The following RASGRF2 variants were observed in gnomAD, a reference collection of about 807,000 sequenced individuals.
RASGRF2 encodes ras-specific guanine nucleotide-releasing factor 2.
A neutral mutation model predicts 151.0 loss-of-function variants in RASGRF2; 76 were observed. The observed-to-expected ratio is 0.50, with a 90% CI of 0.42 to 0.61. The LOEUF (loss-of-function observed/expected upper bound fraction) is 0.61, where lower values mean the gene tolerates loss of function less well. Among genes scored for constraint, RASGRF2 ranks in the 20% least tolerant of loss-of-function variants. RASGRF2 has a pLI of 0.00. For missense variants in RASGRF2, 1,148 were observed against 1,564.6 expected, an observed-to-expected ratio of 0.73 and a Z score of 4.49; for synonymous variants, 504 against 566.5, an observed-to-expected ratio of 0.89 and a Z score of 1.57.
intron 1 of RASGRF2, among the ~76,000 whole-genome samples, chr5:80,982,453 A>G (rs1355672683): frequency 6.6e-6 from 1 of 152,000 alleles, no homozygotes; most frequent in Non-Finnish European, 1.5e-5. Context: ...GGAAGAAGGA[A>G]GAACTAGGCT....
At chr5:81,052,715 AG>A (rs1022959845) in intron 2 of RASGRF2, among the ~76,000 whole-genome samples, 22 of 152,318 alleles carry the variant, frequency 1.4e-4, no homozygotes, top group Admixed American at 1.4e-3. Flanking sequence ...GTAATGCTGA[AG>A]GGGTGTGAGT....
At chr5:81,078,699 T>C (rs1486566374) in intron 5 of RASGRF2, among the ~76,000 whole-genome samples, 1 of 152,232 alleles carries the variant, frequency 6.6e-6, no homozygotes, top group Non-Finnish European at 1.5e-5. Flanking sequence ...TCTTCCTATT[T>C]ATATACAGAA....
intron 15 of RASGRF2, among the ~76,000 whole-genome samples, chr5:81,114,442 G>A (rs758696304): frequency 1.3e-5 from 2 of 152,230 alleles, no homozygotes; most frequent in Non-Finnish European, 2.9e-5. Flanking sequence ...TTATAGCAGA[G>A]GTATAGGAGA....
rs942127563 is a variant in RASGRF2, at chr5:81,112,792, C to T, written c.2021C>T (p.Thr674Ile). 6.2e-7 allele frequency: 1 copy of T among 1,614,114 alleles called. No individual in the cohort carries two copies. Among genetic ancestry groups the T allele is most frequent in the African/African-American group, 1.3e-5 (1 of 74,950 alleles). Residue 674 changes from threonine to isoleucine, a missense_variant, in exon 14 of 27, where the codon ACT becomes ATT. By Grantham distance (89) the Thr-to-Ile change is moderately conservative (BLOSUM62 -1). Coordinates refer to ENST00000265080, the MANE Select transcript of RASGRF2 (RefSeq NM_006909.3). ...CTGCACACCTATCGTATTTTCACTA[C>T]TGCCGCTGTGGTGCTGGGGAAACTC... Reference protein sequence around the residue: ...TFLHTYRIFTTAAVVLGKLSD... With the variant: ...TFLHTYRIFTIAAVVLGKLSD...
At chr5:81,160,852 C>A (rs1371926831) in intron 17 of RASGRF2, among the ~76,000 whole-genome samples, 1 of 151,956 alleles carries the variant, frequency 6.6e-6, no homozygotes, top group East Asian at 1.9e-4. Context: ...GCCTGGGTGA[C>A]AGAACAAGAC....
At chr5:81,048,034 T>A (rs943812720) in intron 2 of RASGRF2, among the ~76,000 whole-genome samples, 4 of 152,132 alleles carry the variant, frequency 2.6e-5, no homozygotes, top group African/African-American at 9.7e-5. Context: ...TATCATATCC[T>A]CCCCTTAAAA....
intron 13 of RASGRF2, among the ~76,000 whole-genome samples, chr5:81,110,645 C>CT (rs146274784): frequency 0.17 from 25,433 of 152,142 alleles, 3,438 homozygotes; most frequent in African/African-American, 0.38. Context: ...TAGACTATGA[C>CT]TTCTTTTAAT....
At chr5:81,156,355 A>T (rs1283550599) in intron 17 of RASGRF2, among the ~76,000 whole-genome samples, 1 of 152,220 alleles carries the variant, frequency 6.6e-6, no homozygotes, top group African/African-American at 2.4e-5. Context: ...GATTCATTTT[A>T]TGAGGACAGC....
chr5:81,109,418 G>A (rs1162962034), intron 13 of RASGRF2, among the ~76,000 whole-genome samples: 2 of 152,198 alleles, frequency 1.3e-5, no homozygotes, highest in African/African-American at 4.8e-5. Context: ...GCACTTCGGA[G>A]GCCGAGGCGG....
intron 9 of RASGRF2, chr5:81,088,437 T>TCC (rs1752300752): frequency 1.3e-5 from 2 of 152,270 alleles, no homozygotes; most frequent in Non-Finnish European, 2.9e-5. Context: ...TACCTCTCTC[T>TCC]CCTGGTTACT....
intron 2 of RASGRF2, among the ~76,000 whole-genome samples, chr5:81,056,557 C>G (rs1025863725): frequency 2.6e-5 from 4 of 152,092 alleles, no homozygotes; most frequent in Non-Finnish European, 4.4e-5. Context: ...ACTATGTGGT[C>G]AGTTTTGGAA....
rs756034277 is a variant in RASGRF2, at chr5:81,229,197, CTCT to C, written c.*3430_*3432del. 6.6e-6 allele frequency: 1 copy of C among 151,098 alleles called. No homozygotes were observed. Among genetic ancestry groups the C allele is most frequent in the Non-Finnish European group, 1.5e-5 (1 of 67,802 alleles). 9.4% of individuals were successfully genotyped at this position (151,098 alleles called of 1,614,324 possible). ...TGATTTTATCCCCTTGAAAAAAAAT[CTCT>C]TCACTTTAAAGTATAAAGGTTTTTA... On this transcript the variant is annotated 3_prime_UTR_variant, in exon 27 of 27. Coordinates refer to ENST00000265080, the MANE Select transcript of RASGRF2 (RefSeq NM_006909.3).
At chr5:81,088,902 T>C (rs1343584812) in intron 9 of RASGRF2, among the ~76,000 whole-genome samples, 1 of 152,212 alleles carries the variant, frequency 6.6e-6, no homozygotes, top group East Asian at 1.9e-4. Context: ...ATGTTATTAA[T>C]TCCTTGTTAT....
At chr5:81,136,323 GGTC>G (rs1753753594) in intron 17 of RASGRF2, among the ~76,000 whole-genome samples, 1 of 152,100 alleles carries the variant, frequency 6.6e-6, no homozygotes, top group African/African-American at 2.4e-5. Flanking sequence ...TGGCAGGGCA[GGTC>G]TGCCAGCAAT....
chr5:81,101,543 T>G (rs1327859781), intron 12 of RASGRF2, among the ~76,000 whole-genome samples: 1 of 151,982 alleles, frequency 6.6e-6, no homozygotes, highest in Non-Finnish European at 1.5e-5. Context: ...GGATGGGAAC[T>G]CATTTTGAAA....
intron 18 of RASGRF2, among the ~76,000 whole-genome samples, chr5:81,198,492 T>A (rs1204918155): frequency 6.6e-6 from 1 of 151,830 alleles, no homozygotes; most frequent in Non-Finnish European, 1.5e-5. Flanking sequence ...CAGGCTGGAG[T>A]GCAGTGGCGC....
intron 1 of RASGRF2, among the ~76,000 whole-genome samples, chr5:81,001,350 G>A (rs1245676968): frequency 6.6e-6 from 1 of 152,146 alleles, no homozygotes; most frequent in African/African-American, 2.4e-5. Context: ...TGCTGTCTGA[G>A]TTTGAGTTCA....
intron 4 of RASGRF2, among the ~76,000 whole-genome samples, chr5:81,072,331 T>C (rs544416395): frequency 3.3e-5 from 5 of 152,300 alleles, no homozygotes; most frequent in African/African-American, 9.6e-5. Flanking sequence ...ACTGATAACA[T>C]GGTGACGACA....
At chr5:81,003,219 T>C (rs897414986) in intron 1 of RASGRF2, among the ~76,000 whole-genome samples, 5 of 48,280 alleles carry the variant, frequency 1.0e-4, no homozygotes, top group Admixed American at 6.6e-4. Context: ...CACACCTGGC[T>C]TTTTTTTTTT....
Sources: gnomAD v4.1 joint callset for allele counts (sites outside exome capture counted in the v4.1 genomes callset) on GRCh38, gnomAD v4.1.1 for gene constraint, MANE v1.5 for transcripts, NCBI Gene and HGNC (gene_info 2026-07-23, HGNC 2026-07-21) for gene names.